The following PABPC4L variants were observed in gnomAD, a reference collection of about 807,000 sequenced individuals.
The protein encoded by PABPC4L is poly(A) binding protein cytoplasmic 4 like.
For missense variants in PABPC4L, 452 were observed against 451.4 expected, an observed-to-expected ratio of 1.00 and a Z score of -0.01; for synonymous variants, 169 against 164.1, an observed-to-expected ratio of 1.03 and a Z score of -0.23.
At chr4:134,152,523 C>T in the PABPC4L span, among the ~76,000 whole-genome samples, 1 of 152,020 alleles carries the variant, frequency 6.6e-6, no homozygotes, top group Non-Finnish European at 1.5e-5. Flanking sequence ...ATATATCCTC[C>T]GAAACCTAGG....
the PABPC4L span, among the ~76,000 whole-genome samples, chr4:134,142,155 A>G: frequency 6.6e-6 from 1 of 151,766 alleles, no homozygotes; most frequent in Non-Finnish European, 1.5e-5. Context: ...AGTAGTCCCA[A>G]GTTTTTCAAA....
chr4:134,113,253 A>T, the PABPC4L span, among the ~76,000 whole-genome samples: 1 of 152,004 alleles, frequency 6.6e-6, no homozygotes, highest in South Asian at 2.1e-4. Context: ...TAAGGTCTAT[A>T]ATAGGGTACA....
At chr4:134,192,664 C>T (rs1441014548), downstream of PABPC4L, among the ~76,000 whole-genome samples, 1 of 151,994 alleles carries the variant, frequency 6.6e-6, no homozygotes, top group Non-Finnish European at 1.5e-5. Context: ...TACAGTCACA[C>T]AACAGAAGAA....
Position 134,200,329 on chromosome 4 carries a change from C to A in PABPC4L, c.691G>T (p.Gly231Cys), listed in dbSNP as rs764605454. ...VMTDSSGKSK[G>C]FGFVSFDSHE... ...CTATCAAAACTCACAAAGCCAAAGC[C>A]TTTGGATTTCCCACTGGAATCTGTC... is the stretch of plus-strand genomic sequence containing the variant. The change falls in exon 2 of 2, where the codon GGC (glycine) becomes TGC (cysteine). Residue 231 changes from glycine to cysteine, a missense_variant. Coordinates refer to ENST00000421491, the MANE Select transcript of PABPC4L (RefSeq NM_001114734.2). 5 of 1,595,024 alleles carry A rather than the reference C, an allele frequency of 3.1e-6. No homozygotes were observed. The South Asian group carries it at 5.7e-5, about 18-fold the overall frequency.
chr4:133,982,064 A>G, the PABPC4L span, among the ~76,000 whole-genome samples: 2 of 152,038 alleles, frequency 1.3e-5, no homozygotes, highest in African/African-American at 2.4e-5. Context: ...TACTAATAAT[A>G]TTGAGGAAAT....
At chr4:134,023,470 G>C in the PABPC4L span, among the ~76,000 whole-genome samples, 1 of 152,000 alleles carries the variant, frequency 6.6e-6, no homozygotes, top group African/African-American at 2.4e-5. Flanking sequence ...TATTATAAAA[G>C]TGGTCTTCTT....
the PABPC4L span, among the ~76,000 whole-genome samples, chr4:134,079,363 C>T: frequency 6.6e-6 from 1 of 150,784 alleles, no homozygotes; most frequent in African/African-American, 2.4e-5. Flanking sequence ...AGGCGGATCA[C>T]GAGGTCGGAG....
At chr4:133,994,240 G>T in the PABPC4L span, among the ~76,000 whole-genome samples, 1 of 152,054 alleles carries the variant, frequency 6.6e-6, no homozygotes, top group Non-Finnish European at 1.5e-5. Context: ...GCTTTTGGTT[G>T]CTCCTCAACT....
the PABPC4L span, among the ~76,000 whole-genome samples, chr4:134,134,571 G>A: frequency 4.3e-3 from 645 of 151,422 alleles, 3 homozygotes; most frequent in African/African-American, 0.015. Flanking sequence ...CTAAAACAGA[G>A]AATGTTAGTT....
At chr4:134,093,471 T>TAGTTTATAG in the PABPC4L span, among the ~76,000 whole-genome samples, 11 of 151,746 alleles carry the variant, frequency 7.2e-5, no homozygotes, top group African/African-American at 2.4e-4. Context: ...CTAATTGTTA[T>TAGTTTATAG]TCCTTCATTC....
chr4:134,006,518 T>C, the PABPC4L span, among the ~76,000 whole-genome samples: 1 of 151,972 alleles, frequency 6.6e-6, no homozygotes, highest in Non-Finnish European at 1.5e-5. Flanking sequence ...GCAGCCCAGC[T>C]ACTTTTGTCT....
the PABPC4L span, among the ~76,000 whole-genome samples, chr4:134,182,962 G>A: frequency 6.6e-6 from 1 of 152,070 alleles, no homozygotes; most frequent in East Asian, 1.9e-4. Context: ...AATAACAGAT[G>A]TTTGTGAGGC....
At chr4:134,193,532 C>G (rs953767449), downstream of PABPC4L, among the ~76,000 whole-genome samples, 1 of 151,876 alleles carries the variant, frequency 6.6e-6, no homozygotes, top group Non-Finnish European at 1.5e-5. Flanking sequence ...TATAGGGAGA[C>G]TTTCCTGTCT....
At chr4:134,166,562 C>T in the PABPC4L span, among the ~76,000 whole-genome samples, 1 of 152,084 alleles carries the variant, frequency 6.6e-6, no homozygotes, top group South Asian at 2.1e-4. Flanking sequence ...ACCAGCATCG[C>T]TTTCCTTCAG....
At chr4:134,098,455 TC>T in the PABPC4L span, among the ~76,000 whole-genome samples, 1 of 151,712 alleles carries the variant, frequency 6.6e-6, no homozygotes, top group Non-Finnish European at 1.5e-5. Context: ...TTACCTATGA[TC>T]TGTGATGGGG....
chr4:133,964,864 CT>C, the PABPC4L span, among the ~76,000 whole-genome samples: 1 of 152,092 alleles, frequency 6.6e-6, no homozygotes, highest in Non-Finnish European at 1.5e-5. Context: ...CAACATTATA[CT>C]GAATGGGGAA....
chr4:133,974,158 A>C, the PABPC4L span, among the ~76,000 whole-genome samples: 1 of 152,010 alleles, frequency 6.6e-6, no homozygotes, highest in East Asian at 1.9e-4. Context: ...CATAAGGATA[A>C]AAATATAGAT....
At chr4:134,112,365 G>T in the PABPC4L span, among the ~76,000 whole-genome samples, 3 of 151,790 alleles carry the variant, frequency 2.0e-5, no homozygotes, top group African/African-American at 7.2e-5. Flanking sequence ...TTTTACGGAT[G>T]ATTTTATCGT....
chr4:134,073,035 C>T, the PABPC4L span, among the ~76,000 whole-genome samples: 2 of 152,188 alleles, frequency 1.3e-5, no homozygotes, highest in African/African-American at 4.8e-5. Context: ...CACCCTGGCC[C>T]CTCCCAAATC....
Sources: allele counts gnomAD v4.1 joint callset (sites outside exome capture counted in the v4.1 genomes callset), GRCh38; gene constraint gnomAD v4.1.1; transcripts MANE v1.5; gene names NCBI Gene and HGNC (gene_info 2026-07-23, HGNC 2026-07-21).